The following ABCC1 variants were observed in gnomAD, a reference collection of about 807,000 sequenced individuals.
The protein encoded by ABCC1 is ATP binding cassette subfamily C member 1 (ABCC1 blood group).
In ABCC1, 83 loss-of-function variants were observed where a neutral mutation model predicts 172.9. The ratio of observed to expected loss-of-function variants is 0.48; its 90% CI spans 0.40 to 0.58. ABCC1 has a LOEUF of 0.58. ABCC1 is among the 20% of genes least tolerant of loss of function. The pLI is 0.00. For synonymous variants in ABCC1, 937 were observed against 825.2 expected, an observed-to-expected ratio of 1.14 and a Z score of -2.32; for missense variants, 1,817 against 2,002.7, an observed-to-expected ratio of 0.91 and a Z score of 1.77.
Position 16,038,091 on chromosome 16 carries a change from G to C in ABCC1, c.809+1488G>C, listed in dbSNP as rs866013454. 2.0e-4 allele frequency among the ~76,000 whole-genome samples: 30 copies of C among 151,862 alleles called. No individual in the cohort carries two copies. In the Middle Eastern group the frequency reaches 0.017, roughly 86 times the overall value. ...ATGATAGATAGATGGATGATAGATT[G>C]ATAGATGATAGGTAGATGATAGACG... On this transcript the variant is annotated intron_variant, in intron 7 of 30. Coordinates refer to ENST00000399410, the MANE Select transcript of ABCC1 (RefSeq NM_004996.4).
chr16:15,985,373 A>G (rs1338175193), intron 1 of ABCC1, among the ~76,000 whole-genome samples: 3 of 152,070 alleles, frequency 2.0e-5, no homozygotes, highest in Non-Finnish European at 4.4e-5. Context: ...GCAAGGTGAC[A>G]TGTGTTCATG....
chr16:16,124,369 ACGCCCGGCTG>A (rs2045328270), intron 24 of ABCC1, among the ~76,000 whole-genome samples: 1 of 56,854 alleles, frequency 1.8e-5, no homozygotes, highest in African/African-American at 7.8e-5. Context: ...GTGACCCACT[ACGCCCGGCTG>A]TGTGTGTGTG....
At position 15,996,918 on chromosome 16, in the gene ABCC1, G is replaced by T. The variant is rs375707476; in HGVS notation, c.49-10898G>T. On this transcript the variant is annotated intron_variant, in intron 1 of 30. Coordinates refer to ENST00000399410, the MANE Select transcript of ABCC1 (RefSeq NM_004996.4). ...CCAGAAAACATGACGCTATGCAACA[G>T]GAATTTTATGAACACACAAAGGTCA... Among the ~76,000 whole-genome samples, 23 of 152,196 alleles carry T rather than the reference G, an allele frequency of 1.5e-4. No homozygotes were observed. In the East Asian group the frequency reaches 4.4e-3, roughly 29 times the overall value.
chr16:16,130,648 T>A (rs1430929310), intron 26 of ABCC1, among the ~76,000 whole-genome samples: 1 of 152,234 alleles, frequency 6.6e-6, no homozygotes, highest in Non-Finnish European at 1.5e-5. Flanking sequence ...CTCCACTTGC[T>A]CTTTTGAAAT....
rs550520011 is a variant in ABCC1 at position 16,142,732 on chromosome 16, C to T, written c.*1451C>T. The T allele has an allele frequency of 2.0e-5, 3 of 152,210 alleles. No individual in the cohort carries two copies. The highest frequency in any genetic ancestry group is 2.1e-4 in the South Asian group (1 of 4,820). 9.4% of individuals were successfully genotyped at this position (152,210 alleles called of 1,614,324 possible). A position where few individuals can be genotyped will look rare whatever the true frequency, so the allele number is the denominator to read the frequency against. ...GAGAAGCTCGCCCTGTGTTTGAAAC[C>T]GTGTTGGTCTCTGTGTTCCTGGAAG... On this transcript the variant is annotated 3_prime_UTR_variant, in exon 31 of 31. Transcript: ENST00000399410.
intron 18 of ABCC1, 61 bp from the exon 19 acceptor site, chr16:16,090,344 G>A: frequency 6.8e-7 from 1 of 1,471,320 alleles, no homozygotes; most frequent in African/African-American, 1.4e-5. Flanking sequence ...TCTTCACTCT[G>A]CCAAGCTAGG....
At chr16:16,078,615 C>A (rs1012273601) in intron 15 of ABCC1, among the ~76,000 whole-genome samples, 1 of 152,182 alleles carries the variant, frequency 6.6e-6, no homozygotes, top group African/African-American at 2.4e-5. Flanking sequence ...CCCCTTTACA[C>A]CTTTCTCCGG....
In ABCC1 at chr16:16,020,594, A is replaced by G. The variant is rs529751241; in HGVS notation, c.615+3973A>G. Among the ~76,000 whole-genome samples, 13 of 152,322 alleles carry G rather than the reference A, an allele frequency of 8.5e-5. No homozygotes were observed. In the East Asian group the frequency reaches 2.3e-3, roughly 27 times the overall value. ...TTGCTACAGAGACTGTAGCACCCAC[A>G]AAGTCTAAGATACCTACCATCTGAC... On this transcript the variant is annotated intron_variant, in intron 5 of 30. Coordinates refer to ENST00000399410, the MANE Select transcript of ABCC1 (RefSeq NM_004996.4).
intron 16 of ABCC1, among the ~76,000 whole-genome samples, chr16:16,081,331 A>G (rs2050797501): frequency 6.6e-6 from 1 of 152,230 alleles, no homozygotes; most frequent in Admixed American, 6.5e-5. Flanking sequence ...AATAAGATGA[A>G]TGAACCATGA....
At chr16:16,092,951 C>T (rs368178252) in intron 19 of ABCC1, among the ~76,000 whole-genome samples, 2 of 152,232 alleles carry the variant, frequency 1.3e-5, no homozygotes, top group African/African-American at 4.8e-5. Context: ...CATGCCACTG[C>T]ACTCCATCTG....
rs911676810 is a variant in ABCC1 at position 16,090,650 on chromosome 16, G to A, written c.2644+62G>A. ...TCTGGCACCTTGAAGGGCCACATTGGCCTCTTTGAGGTTGCCACCAGCCAC... is the reference window on the plus strand; with the variant it reads ...TCTGGCACCTTGAAGGGCCACATTGACCTCTTTGAGGTTGCCACCAGCCAC... On this transcript the variant is annotated intron_variant, in intron 19 of 30. Coordinates refer to ENST00000399410, the MANE Select transcript of ABCC1 (RefSeq NM_004996.4). The A allele has an allele frequency of 2.4e-5, 35 of 1,472,938 alleles. 1 individual carries two copies. In the Admixed American group the frequency reaches 8.6e-4, roughly 36 times the overall value. The allele number at this position is 1,472,938 out of a possible 1,614,324, so 91.2% of individuals were successfully genotyped here.
intron 9 of ABCC1, among the ~76,000 whole-genome samples, chr16:16,047,611 G>A (rs980438663): frequency 2.0e-5 from 3 of 152,098 alleles, no homozygotes; most frequent in Admixed American, 6.6e-5. Flanking sequence ...TCGAGGCCAG[G>A]TATTGCTGCT....
At chr16:16,043,056 T>A (rs2049039077) in intron 7 of ABCC1, among the ~76,000 whole-genome samples, 1 of 151,266 alleles carries the variant, frequency 6.6e-6, no homozygotes, top group Admixed American at 6.6e-5. Context: ...AGAGACAAGG[T>A]TTTGCCATGT....
At chr16:15,965,048 G>A (rs751322007) in intron 1 of ABCC1, among the ~76,000 whole-genome samples, 14 of 151,868 alleles carry the variant, frequency 9.2e-5, no homozygotes, top group Non-Finnish European at 1.9e-4. Context: ...TTTTCCTATT[G>A]GCATATTAAC....
At chr16:16,068,097 C>A in intron 12 of ABCC1, 59 bp from the exon 13 acceptor site, 1 of 1,605,492 alleles carries the variant, frequency 6.2e-7, no homozygotes, top group Non-Finnish European at 8.5e-7. Flanking sequence ...TGTCACTGCT[C>A]CTAGGATGAT....
intron 1 of ABCC1, among the ~76,000 whole-genome samples, chr16:15,988,953 C>G (rs2046800369): frequency 6.6e-6 from 1 of 151,182 alleles, no homozygotes. Flanking sequence ...CCTCTAGTCC[C>G]AGCTACTTGA....
At chr16:16,074,005 A>G (rs1028493215) in intron 14 of ABCC1, among the ~76,000 whole-genome samples, 6 of 152,214 alleles carry the variant, frequency 3.9e-5, no homozygotes, top group African/African-American at 1.4e-4. Flanking sequence ...ATAGAAGATG[A>G]TAAACAGATC....
chr16:16,085,351 C>G (rs557849636), intron 17 of ABCC1, among the ~76,000 whole-genome samples: 3 of 152,320 alleles, frequency 2.0e-5, no homozygotes, highest in African/African-American at 7.2e-5. Context: ...CTGGTGTGTC[C>G]CCTCTTGGAA....
intron 26 of ABCC1, among the ~76,000 whole-genome samples, chr16:16,128,060 A>G (rs2045515438): frequency 6.6e-6 from 1 of 151,062 alleles, no homozygotes; most frequent in African/African-American, 2.4e-5. Context: ...AGCTGGGATT[A>G]CAAGTACCCA....
Sources: gnomAD v4.1 joint callset for allele counts (sites outside exome capture counted in the v4.1 genomes callset) on GRCh38, gnomAD v4.1.1 for gene constraint, MANE v1.5 for transcripts, NCBI Gene and HGNC (gene_info 2026-07-23, HGNC 2026-07-21) for gene names.